Variants in MAGI2 observed in about 807,000 individuals in gnomAD.
MAGI2 encodes the protein membrane associated guanylate kinase, WW and PDZ domain containing 2, also known as membrane-associated guanylate kinase, WW and PDZ domain-containing protein 2.
Under a neutral mutation model 133.3 loss-of-function variants are expected in MAGI2, and 35 were observed. The observed-to-expected ratio is 0.26, with a 90% CI of 0.20 to 0.35. The LOEUF is 0.35. MAGI2 is among the 10% of genes least tolerant of loss of function. MAGI2 has a pLI of 1.00. For missense variants in MAGI2, 1,636 were observed against 1,863.4 expected, an observed-to-expected ratio of 0.88 and a Z score of 2.25; for synonymous variants, 729 against 710.6, an observed-to-expected ratio of 1.03 and a Z score of -0.41.
chr7:79,031,105 C>T (rs1447459200), intron 1 of MAGI2, among the ~76,000 whole-genome samples: 1 of 152,158 alleles, frequency 6.6e-6, no homozygotes, highest in Non-Finnish European at 1.5e-5. Context: ...GAAGCTGCTA[C>T]AAATCCATCC....
At chr7:79,021,331 C>T (rs1482623119) in intron 1 of MAGI2, among the ~76,000 whole-genome samples, 2 of 152,146 alleles carry the variant, frequency 1.3e-5, no homozygotes, top group Admixed American at 1.3e-4. Flanking sequence ...AATGGTTGAT[C>T]CACACAGATT....
chr7:78,127,162 G>T, intron 19 of MAGI2, 35 bp downstream of exon 19: 1 of 1,479,922 alleles, frequency 6.8e-7, no homozygotes, highest in Non-Finnish European at 9.1e-7. Flanking sequence ...TGGAAGCCTT[G>T]GTCAGGACCC....
At chr7:78,188,733 A>G (rs1160181412) in intron 12 of MAGI2, among the ~76,000 whole-genome samples, 1 of 152,228 alleles carries the variant, frequency 6.6e-6, no homozygotes, top group East Asian at 1.9e-4. Context: ...CTGGGAAGGC[A>G]TGATGGCCTT....
intron 1 of MAGI2, among the ~76,000 whole-genome samples, chr7:79,169,650 AT>A (rs1204739372): frequency 1.6e-5 from 2 of 128,438 alleles, no homozygotes; most frequent in Non-Finnish European, 3.5e-5. Context: ...CCTTATTTTC[AT>A]ATTTTATTAT....
At chr7:78,244,365 TA>T (rs1011914533) in intron 10 of MAGI2, among the ~76,000 whole-genome samples, 1 of 151,570 alleles carries the variant, frequency 6.6e-6, no homozygotes, top group South Asian at 2.1e-4. Flanking sequence ...ACAGAAACTC[TA>T]AAAAAAATTA....
At chr7:79,238,050 T>A (rs545996505) in intron 1 of MAGI2, among the ~76,000 whole-genome samples, 1 of 152,314 alleles carries the variant, frequency 6.6e-6, no homozygotes, top group Non-Finnish European at 1.5e-5. Flanking sequence ...AAATTAGGAT[T>A]TTCAGTATTT....
At chr7:78,058,668 C>T (rs62461172) in intron 21 of MAGI2, among the ~76,000 whole-genome samples, 27,158 of 151,868 alleles carry the variant, frequency 0.18, 3,134 homozygotes, top group Non-Finnish European at 0.27. Context: ...GGATTACAGG[C>T]GTGAGCTACC....
chr7:78,137,381 T>C (rs574395457), intron 16 of MAGI2, among the ~76,000 whole-genome samples: 2 of 152,366 alleles, frequency 1.3e-5, no homozygotes, highest in South Asian at 2.1e-4. Context: ...AGTTATCATA[T>C]GTAAAGCGAG....
At position 79,278,023 on chromosome 7, in the gene MAGI2, G is replaced by A. The variant is rs57612867; in HGVS notation, c.301+174997C>T. On this transcript the variant is annotated intron_variant, in intron 1 of 21. Coordinates refer to ENST00000354212, the MANE Select transcript of MAGI2 (RefSeq NM_012301.4). ...ATTAGCTCACCGACATGATTTTGATGTCCCCTCCAAATCTCATGCTGAAAT... is the reference window on the plus strand; with the variant it reads ...ATTAGCTCACCGACATGATTTTGATATCCCCTCCAAATCTCATGCTGAAAT... 4.7e-3 allele frequency among the ~76,000 whole-genome samples: 721 copies of A among 152,184 alleles called. 4 individuals are homozygous for A. The highest frequency in any genetic ancestry group is 0.016 in the African/African-American group (682 of 41,528).
At chr7:79,187,827 G>C (rs527316194) in intron 1 of MAGI2, among the ~76,000 whole-genome samples, 1 of 151,660 alleles carries the variant, frequency 6.6e-6, no homozygotes, top group South Asian at 2.1e-4. Context: ...GGACTGTTTG[G>C]GATTGCCACT....
chr7:78,995,633 T>A (rs1343261108), intron 2 of MAGI2, among the ~76,000 whole-genome samples: 1 of 152,190 alleles, frequency 6.6e-6, no homozygotes, highest in Non-Finnish European at 1.5e-5. Flanking sequence ...ATATACATCT[T>A]CTATTACTGG....
intron 6 of MAGI2, among the ~76,000 whole-genome samples, chr7:78,458,737 A>C (rs7808257): frequency 0.25 from 38,202 of 151,256 alleles, 4,864 homozygotes; most frequent in Middle Eastern, 0.35. Context: ...TGGGTTCATG[A>C]CATTCTCCTG....
chr7:78,784,131 A>AT, intron 2 of MAGI2, among the ~76,000 whole-genome samples: 1 of 152,288 alleles, frequency 6.6e-6, no homozygotes, highest in African/African-American at 2.4e-5. Flanking sequence ...AAGTCTGATC[A>AT]TTCCAGTATT....
intron 2 of MAGI2, among the ~76,000 whole-genome samples, chr7:78,788,915 G>A (rs1049589177): frequency 9.9e-5 from 15 of 152,032 alleles, no homozygotes; most frequent in African/African-American, 4.8e-5. Context: ...GGTGTGGCTC[G>A]TCTGCCTCTG....
chr7:78,070,218 T>TACACACACACACACAC (rs374567182), intron 21 of MAGI2, among the ~76,000 whole-genome samples: 2 of 52,280 alleles, frequency 3.8e-5, no homozygotes, highest in East Asian at 1.7e-3. Flanking sequence ...TATATATATA[T>TACACACACACACACAC]ACACACACAC....
At chr7:79,163,879 C>T (rs1279589786) in intron 1 of MAGI2, among the ~76,000 whole-genome samples, 5 of 152,042 alleles carry the variant, frequency 3.3e-5, no homozygotes, top group Non-Finnish European at 5.9e-5. Context: ...CAATTGAAGA[C>T]TCAGATCATG....
chr7:78,451,262 G>C (rs1788694884), intron 6 of MAGI2, among the ~76,000 whole-genome samples: 1 of 151,998 alleles, frequency 6.6e-6, no homozygotes, highest in South Asian at 2.1e-4. Context: ...GAAATTTTTT[G>C]AGGTGCTTGC....
chr7:78,996,056 T>C (rs1475601043), intron 2 of MAGI2, among the ~76,000 whole-genome samples: 1 of 152,180 alleles, frequency 6.6e-6, no homozygotes, highest in African/African-American at 2.4e-5. Flanking sequence ...ATTTACATAC[T>C]TGTTTTAGTT....
intron 2 of MAGI2, among the ~76,000 whole-genome samples, chr7:78,804,748 C>CAAAAAAAAAAAAAAAAAAA (rs373472835): frequency 2.0e-5 from 2 of 97,732 alleles, no homozygotes; most frequent in African/African-American, 4.7e-5. Flanking sequence ...GACTCTGTCT[C>CAAAAAAAAAAAAAAAAAAA]AAAAAAAAAA....
Sources: gnomAD v4.1 joint callset for allele counts (sites outside exome capture counted in the v4.1 genomes callset) on GRCh38, gnomAD v4.1.1 for gene constraint, MANE v1.5 for transcripts, NCBI Gene and HGNC (gene_info 2026-07-23, HGNC 2026-07-21) for gene names.